The following SPAG16 variants were observed in gnomAD, a reference collection of about 807,000 sequenced individuals.
SPAG16 encodes the protein sperm-associated antigen 16 protein.
SPAG16 carries 86 observed loss-of-function variants against 80.4 expected under a neutral mutation model. The observed-to-expected ratio is 1.07, with a 90% CI of 0.90 to 1.28. The LOEUF is 1.28. Ranked by LOEUF, SPAG16 falls within the 50% of genes most tolerant of loss-of-function variation. The pLI, the probability that SPAG16 is intolerant of heterozygous loss-of-function variation, is 0.00. For missense variants in SPAG16, 870 were observed against 765.3 expected, an observed-to-expected ratio of 1.14 and a Z score of -1.61; for synonymous variants, 294 against 265.9, an observed-to-expected ratio of 1.11 and a Z score of -1.03.
At chr2:214,245,521 G>A (rs1689780250) in intron 15 of SPAG16, among the ~76,000 whole-genome samples, 1 of 151,996 alleles carries the variant, frequency 6.6e-6, no homozygotes. Flanking sequence ...ATAATATATT[G>A]GCTGAATGCT....
At chr2:213,292,604 CAGTG>C in intron 1 of SPAG16, among the ~76,000 whole-genome samples, 1 of 144,244 alleles carries the variant, frequency 6.9e-6, no homozygotes, top group South Asian at 2.2e-4. Flanking sequence ...GCGGAGCTTG[CAGTG>C]AGCCGAGATC....
chr2:213,548,294 C>T (rs1269864404), intron 10 of SPAG16, among the ~76,000 whole-genome samples: 1 of 152,136 alleles, frequency 6.6e-6, no homozygotes, highest in Non-Finnish European at 1.5e-5. Flanking sequence ...CGCACTACAA[C>T]CTCTGCCTCC....
chr2:214,284,541 AC>A lies in SPAG16; in HGVS notation c.1721-125596del, dbSNP rs371347326. ...CCTATCAAAGAACTACAGGTAGGAGACCCTCAGGAGCACTCTGCTCCTTTTG... is the reference window on the plus strand; with the variant it reads ...CCTATCAAAGAACTACAGGTAGGAGACCTCAGGAGCACTCTGCTCCTTTTG... On this transcript the variant is annotated intron_variant, in intron 15 of 15. Coordinates refer to ENST00000331683, the MANE Select transcript of SPAG16 (RefSeq NM_024532.5). 3.3e-5 allele frequency among the ~76,000 whole-genome samples: 5 copies of A among 152,166 alleles called. No individual in the cohort carries two copies. In the South Asian group the frequency reaches 1.0e-3, roughly 31 times the overall value.
At chr2:214,172,696 A>C (rs1165257929) in intron 15 of SPAG16, among the ~76,000 whole-genome samples, 1 of 152,030 alleles carries the variant, frequency 6.6e-6, no homozygotes, top group Non-Finnish European at 1.5e-5. Context: ...ACAAGGGTTG[A>C]ACTAGTTTAC....
chr2:213,751,491 G>A (rs984487650), intron 10 of SPAG16, among the ~76,000 whole-genome samples: 1 of 152,098 alleles, frequency 6.6e-6, no homozygotes, highest in African/African-American at 2.4e-5. Context: ...CTTAATAATG[G>A]TGTAGCCACC....
chr2:213,816,548 TC>T (rs770473792), intron 10 of SPAG16, among the ~76,000 whole-genome samples: 3 of 152,194 alleles, frequency 2.0e-5, no homozygotes, highest in East Asian at 1.9e-4. Context: ...TGCTAAATTT[TC>T]GGCATTAAAA....
chr2:213,375,255 T>C, intron 9 of SPAG16, 136 bp downstream of exon 9: 1 of 594,848 alleles, frequency 1.7e-6, no homozygotes, highest in Non-Finnish European at 2.9e-6. Flanking sequence ...GGTTTATACA[T>C]GGACAGTGGA....
In SPAG16 at chr2:214,276,612, G is replaced by A. The variant is rs1319534385; in HGVS notation, c.1720+127346G>A. On this transcript the variant is annotated intron_variant, in intron 15 of 15. Coordinates refer to ENST00000331683, the MANE Select transcript of SPAG16 (RefSeq NM_024532.5). ...GAAAATTCTTTTAAGAATGTTGAAT[G>A]TTGTCCCTCAACCCTCTTCCAGCTT... is the stretch of plus-strand genomic sequence containing the variant. Among the ~76,000 whole-genome samples, 3 of 152,186 alleles carry A rather than the reference G, an allele frequency of 2.0e-5. No homozygotes were observed. The East Asian group carries it at 5.8e-4, about 29-fold the overall frequency.
At chr2:213,348,518 G>A (rs576087447) in intron 6 of SPAG16, among the ~76,000 whole-genome samples, 1 of 152,118 alleles carries the variant, frequency 6.6e-6, no homozygotes, top group African/African-American at 2.4e-5. Flanking sequence ...GCTGTTACCG[G>A]TTGTTCCTTT....
intron 15 of SPAG16, among the ~76,000 whole-genome samples, chr2:214,225,499 A>T (rs1442222779): frequency 6.6e-6 from 1 of 152,150 alleles, no homozygotes; most frequent in African/African-American, 2.4e-5. Context: ...AAGAAACATG[A>T]ATATCAATAT....
In SPAG16 at chr2:213,956,382, TAGTTCCTTA is replaced by T. The variant is rs1424222331; in HGVS notation, c.1400+26250_1400+26258del. On this transcript the variant is annotated intron_variant, in intron 12 of 15. Transcript: ENST00000331683. ...CTTATAGTTCCTTAGTTTGTTCTTA[TAGTTCCTTA>T]AGTTCCTTAAGTAAAGGCAGGTTGA... Among the ~76,000 whole-genome samples the T allele has an allele frequency of 2.0e-4, 30 of 152,148 alleles. No individual in the cohort carries two copies. In the East Asian group the frequency reaches 3.5e-3, roughly 18 times the overall value.
intron 15 of SPAG16, among the ~76,000 whole-genome samples, chr2:214,304,827 C>A (rs960551285): frequency 6.6e-6 from 1 of 152,072 alleles, no homozygotes; most frequent in African/African-American, 2.4e-5. Context: ...AGTAGTACTG[C>A]AATGAACATA....
At chr2:214,347,358 T>TG (rs1698121504) in intron 15 of SPAG16, among the ~76,000 whole-genome samples, 2 of 151,522 alleles carry the variant, frequency 1.3e-5, no homozygotes, top group Non-Finnish European at 2.9e-5. Flanking sequence ...GGTTTTTTTT[T>TG]TAGTAGAATT....
intron 15 of SPAG16, among the ~76,000 whole-genome samples, chr2:214,389,146 C>G (rs1700923606): frequency 6.6e-6 from 1 of 152,092 alleles, no homozygotes; most frequent in African/African-American, 2.4e-5. Flanking sequence ...AAAATATAAT[C>G]AAGACAAGTC....
chr2:213,460,587 C>G (rs967537524), intron 9 of SPAG16, among the ~76,000 whole-genome samples: 1 of 152,088 alleles, frequency 6.6e-6, no homozygotes, highest in East Asian at 1.9e-4. Flanking sequence ...ATAATTTAAA[C>G]AAGGTTATCT....
intron 10 of SPAG16, among the ~76,000 whole-genome samples, chr2:213,781,251 A>G (rs2069944332): frequency 6.6e-6 from 1 of 152,200 alleles, no homozygotes; most frequent in Non-Finnish European, 1.5e-5. Context: ...GTGTTTGTCT[A>G]AGTCTTCTCC....
At chr2:214,143,234 GTTT>G (rs59910884) in intron 14 of SPAG16, among the ~76,000 whole-genome samples, 139 of 112,700 alleles carry the variant, frequency 1.2e-3, no homozygotes, top group East Asian at 6.9e-3. Context: ...ATAGTTTTGG[GTTT>G]TTTTTTTTTT....
At chr2:214,338,096 A>G (rs181636022) in intron 15 of SPAG16, among the ~76,000 whole-genome samples, 13 of 152,320 alleles carry the variant, frequency 8.5e-5, no homozygotes, top group African/African-American at 1.9e-4. Flanking sequence ...AGCTAATTCT[A>G]TTTGTAAGCC....
intron 12 of SPAG16, among the ~76,000 whole-genome samples, chr2:213,981,521 T>C (rs2045743026): frequency 6.6e-6 from 1 of 152,096 alleles, no homozygotes; most frequent in African/African-American, 2.4e-5. Flanking sequence ...TAGAAATATG[T>C]ATTTCCTGAG....
Sources: gnomAD v4.1 joint callset for allele counts (sites outside exome capture counted in the v4.1 genomes callset) on GRCh38, gnomAD v4.1.1 for gene constraint, MANE v1.5 for transcripts, NCBI Gene and HGNC (gene_info 2026-07-23, HGNC 2026-07-21) for gene names.